Variants in PARP6 observed in about 807,000 individuals in gnomAD.
The protein encoded by PARP6 is protein mono-ADP-ribosyltransferase PARP6.
In PARP6, 27 loss-of-function variants were observed where a neutral mutation model predicts 92.0. That is an observed-to-expected ratio of 0.29 (90% CI 0.22 to 0.40). The LOEUF (loss-of-function observed/expected upper bound fraction) is 0.40. PARP6 is among the 10% of genes least tolerant of loss of function. PARP6 has a pLI of 1.00. For missense variants in PARP6, 501 were observed against 784.5 expected (o/e 0.64, Z 4.32); for synonymous variants, 272 against 281.2 (o/e 0.97, Z 0.33).
rs553887036 is a variant in PARP6, at chr15:72,253,229, G to A, written c.1259+208C>T. Among the ~76,000 whole-genome samples, 3 of 150,776 alleles carry A rather than the reference G, an allele frequency of 2.0e-5. No homozygotes were observed. The East Asian group carries it at 5.8e-4, about 29-fold the overall frequency. On this transcript the variant is annotated intron_variant, in intron 16 of 23. Transcript: ENST00000569795. ...AAGATTAAAAATAATTTTTTTGAAA[G>A]AAAAATCATGTCAGAATTTGTGGGC...
intron 18 of PARP6, 21 bp downstream of exon 18, chr15:72,250,824 C>G: frequency 7.2e-7 from 1 of 1,381,596 alleles, no homozygotes. Flanking sequence ...ACCCCCACTG[C>G]CCAGCCCCCA....
chr15:72,256,314 T>G (rs2085122896), intron 14 of PARP6, 151 bp downstream of exon 14: 2 of 534,106 alleles, frequency 3.7e-6, no homozygotes, highest in Non-Finnish European at 3.0e-6. Flanking sequence ...GTGTCAAACT[T>G]GGCTATTTAT....
intron 10 of PARP6, 44 bp downstream of exon 10, chr15:72,260,434 C>G: frequency 1.3e-6 from 2 of 1,508,342 alleles, no homozygotes; most frequent in Non-Finnish European, 1.8e-6. Flanking sequence ...AGTTCCACTC[C>G]CACCCTCCTG....
chr15:72,253,382 C>G, intron 16 of PARP6, 55 bp downstream of exon 16: 2 of 1,383,164 alleles, frequency 1.4e-6, no homozygotes, highest in Non-Finnish European at 2.1e-6. Flanking sequence ...GGTTCCATGT[C>G]CAATAACTCC....
intron 20 of PARP6, among the ~76,000 whole-genome samples, chr15:72,247,146 T>C (rs1377329772): frequency 6.6e-6 from 1 of 152,148 alleles, no homozygotes; most frequent in Non-Finnish European, 1.5e-5. Context: ...TCACTTTCTT[T>C]AGGGTGTCTT....
intron 16 of PARP6, among the ~76,000 whole-genome samples, chr15:72,251,566 A>G (rs1231992109): frequency 6.6e-6 from 1 of 152,176 alleles, no homozygotes; most frequent in Non-Finnish European, 1.5e-5. Flanking sequence ...GAACAAAAGG[A>G]AGAGCACAGA....
chr15:72,265,069 C>A lies in PARP6; in HGVS notation c.328+12G>T. On this transcript the variant is annotated intron_variant, in intron 7 of 23. Transcript: ENST00000569795. Reference sequence around the variant, plus strand: ...CTCAGACCACCCACTTGCCCAAAGTCACTGCCTTTACCTGGTCCATCTAGG... The same window carrying A: ...CTCAGACCACCCACTTGCCCAAAGTAACTGCCTTTACCTGGTCCATCTAGG... The A allele has an allele frequency of 6.3e-7, 1 of 1,594,842 alleles. No homozygotes were observed. Among genetic ancestry groups the A allele is most frequent in the South Asian group, 1.1e-5 (1 of 90,568 alleles).
chr15:72,258,249 G>C, intron 11 of PARP6, 117 bp from the exon 12 acceptor site: 1 of 731,508 alleles, frequency 1.4e-6, no homozygotes, highest in Non-Finnish European at 2.4e-6. Flanking sequence ...GCCTAAGGTA[G>C]GATATATTCT....
rs2086772304 is a variant in PARP6, at chr15:72,267,629, G to A, written c.-152C>T. The stretch of plus-strand genomic sequence containing the variant: ...GTCAGGGACAACTGGTGATCTGTTG[G>A]GGATGGCAGGCTCTGCTGTTGCGGT... On this transcript the variant is annotated 5_prime_UTR_variant, in exon 3 of 24. Coordinates refer to ENST00000569795, the MANE Select transcript of PARP6 (RefSeq NM_001323532.2). 1.3e-6 allele frequency: 1 copy of A among 758,036 alleles called. No homozygotes were observed. The highest frequency in any genetic ancestry group is 2.3e-6 in the Non-Finnish European group (1 of 434,860). 47.0% of individuals were successfully genotyped at this position (758,036 alleles called of 1,614,324 possible).
intron 16 of PARP6, among the ~76,000 whole-genome samples, chr15:72,252,705 G>C (rs1052691705): frequency 6.6e-6 from 1 of 151,978 alleles, no homozygotes; most frequent in Non-Finnish European, 1.5e-5. Context: ...GGCTGGTCTC[G>C]AACTCCCAAC....
Position 72,241,498 on chromosome 15 carries a change from TTCTG to T in PARP6, c.1846_1849del (p.Gln616ArgfsTer6), listed in dbSNP as rs756603469. 1 of 1,614,162 alleles carries T rather than the reference TTCTG, an allele frequency of 6.2e-7. No individual in the cohort carries two copies. Among genetic ancestry groups the T allele is most frequent in the Non-Finnish European group, 8.5e-7 (1 of 1,179,990 alleles). On this transcript the variant is annotated frameshift_variant, in exon 24 of 24. Coordinates refer to ENST00000569795, the MANE Select transcript of PARP6 (RefSeq NM_001323532.2). LOFTEE classifies it high-confidence loss of function. The surrounding 1 kb of genome is among the most constrained non-coding windows in gnomAD (Gnocchi z 4.1). ...AGTTCCGATCACACGCATGATTTCC[TTCTG>T]TATCTTGGGGTCCTGAGTATTAATG... is the stretch of plus-strand genomic sequence containing the variant.
intron 12 of PARP6, 150 bp downstream of exon 12, chr15:72,257,887 C>T (rs1362400968): frequency 3.1e-6 from 2 of 645,836 alleles, no homozygotes; most frequent in East Asian, 2.7e-5. Context: ...ACTGCTGAGA[C>T]TTGTTTTCTG....
intron 11 of PARP6, among the ~76,000 whole-genome samples, chr15:72,258,977 T>TCTCC (rs1450461632): frequency 6.6e-6 from 1 of 152,234 alleles, no homozygotes; most frequent in Admixed American, 6.5e-5. Context: ...ATGTGGCATG[T>TCTCC]TTATAAATTA....
chr15:72,268,068 T>C (rs2086844094), intron 2 of PARP6, among the ~76,000 whole-genome samples: 2 of 152,226 alleles, frequency 1.3e-5, no homozygotes, highest in South Asian at 4.1e-4. Flanking sequence ...ACACTTTTAT[T>C]ATACATACAG....
chr15:72,246,042 T>A (rs2083561672), intron 20 of PARP6, among the ~76,000 whole-genome samples: 1 of 152,222 alleles, frequency 6.6e-6, no homozygotes, highest in African/African-American at 2.4e-5. Context: ...TAACCCCACT[T>A]TGGATGCCAG....
intron 1 of PARP6, among the ~76,000 whole-genome samples, chr15:72,272,114 G>T (rs888355426): frequency 1.3e-4 from 20 of 152,206 alleles, no homozygotes; most frequent in African/African-American, 3.9e-4. Flanking sequence ...ACTCCCGCAG[G>T]TTAGCGCTAT....
At chr15:72,251,030 G>A (rs1046398569) in intron 17 of PARP6, 76 bp from the exon 18 acceptor site, 1 of 1,184,606 alleles carries the variant, frequency 8.4e-7, no homozygotes, top group South Asian at 1.3e-5. Context: ...TTGGGGATAG[G>A]GGAAAAAATC....
chr15:72,265,026 G>T, intron 7 of PARP6, 55 bp downstream of exon 7: 1 of 1,167,184 alleles, frequency 8.6e-7, no homozygotes, highest in Non-Finnish European at 1.3e-6. Flanking sequence ...TTAACTTAGG[G>T]CTTTGGATTA....
rs2083013180 is a variant in PARP6 at position 72,241,231 on chromosome 15, A to C, written c.*224T>G. 1 of 663,372 alleles carries C rather than the reference A, an allele frequency of 1.5e-6. No homozygotes were observed. Among genetic ancestry groups the C allele is most frequent in the Non-Finnish European group, 2.8e-6 (1 of 359,784 alleles). The allele number at this position is 663,372 out of a possible 1,614,324, so 41.1% of individuals were successfully genotyped here. ...ATTGTTTTATTTACAAACAGGGTGAAGTCAAAGGGAAAGTCAGGGGATGGA... is the reference window on the plus strand; with the variant it reads ...ATTGTTTTATTTACAAACAGGGTGACGTCAAAGGGAAAGTCAGGGGATGGA... On this transcript the variant is annotated 3_prime_UTR_variant, in exon 24 of 24. Coordinates refer to ENST00000569795, the MANE Select transcript of PARP6 (RefSeq NM_001323532.2). This position sits in a 1 kb window ranked among gnomAD's most constrained non-coding sequence, Gnocchi z 4.1.
Sources: gnomAD v4.1 joint callset for allele counts (sites outside exome capture counted in the v4.1 genomes callset) on GRCh38, gnomAD v4.1.1 for gene constraint, Gnocchi (gnomAD v3.1) non-coding constraint, MANE v1.5 for transcripts, NCBI Gene and HGNC (gene_info 2026-07-23, HGNC 2026-07-21) for gene names.